The following ASH1L variants were observed in gnomAD, a reference collection of about 807,000 sequenced individuals.
ASH1L encodes the protein histone-lysine N-methyltransferase ASH1L.
ASH1L carries 23 observed loss-of-function variants against 269.0 expected under a neutral mutation model. That is an observed-to-expected ratio of 0.09 (90% CI 0.06 to 0.12). The LOEUF is 0.12. Among genes scored for constraint, ASH1L ranks in the 10% least tolerant of loss-of-function variants. The pLI, the probability that ASH1L is intolerant of heterozygous loss-of-function variation, is 1.00. For synonymous variants in ASH1L, 1,187 were observed against 1,253.5 expected (o/e 0.95, Z 1.12); for missense variants, 2,912 against 3,567.8 (o/e 0.82, Z 4.68).
At chr1:155,504,465 T>C (rs764207720) in intron 2 of ASH1L, among the ~76,000 whole-genome samples, 1 of 152,198 alleles carries the variant, frequency 6.6e-6, no homozygotes, top group Non-Finnish European at 1.5e-5. Flanking sequence ...CAATATTATA[T>C]AGCTTGACTT....
chr1:155,428,361 G>C (rs985772367), intron 5 of ASH1L, among the ~76,000 whole-genome samples: 1 of 151,746 alleles, frequency 6.6e-6, no homozygotes, highest in Non-Finnish European at 1.5e-5. Flanking sequence ...AGAATTGCTT[G>C]AACCCAGGAG....
At chr1:155,351,509 C>T (rs1463146450) in intron 17 of ASH1L, among the ~76,000 whole-genome samples, 1 of 151,438 alleles carries the variant, frequency 6.6e-6, no homozygotes, top group Non-Finnish European at 1.5e-5. Flanking sequence ...GCCAAGATTG[C>T]ACCACTGAAC....
chr1:155,421,221 T>C (rs999695593), intron 5 of ASH1L, among the ~76,000 whole-genome samples: 1 of 141,338 alleles, frequency 7.1e-6, no homozygotes, highest in African/African-American at 2.7e-5. Flanking sequence ...AGAGGAAGAT[T>C]CTGTGTCTTA....
rs201784092 is a variant in ASH1L at position 155,347,764 on chromosome 1, G to C, written c.7695C>G (p.Thr2565=). ...GCCCATTCTCCTTTTCAGAGACTGA[G>C]GTCTCACTGCTGTCTGCCTCACTTG... ...ETASEADSSE[T]SVSEKENGHE... is the part of the protein sequence containing the mutation. The change falls in exon 20 of 28, where the codon ACC becomes ACG. Residue 2565 remains threonine (T), a synonymous_variant. Coordinates refer to ENST00000392403, the MANE Select transcript of ASH1L (RefSeq NM_018489.3). The C allele has an allele frequency of 9.8e-4, 1,581 of 1,614,202 alleles. 21 individuals carry two copies. The South Asian group carries it at 0.016, about 17-fold the overall frequency.
rs760631401 is a variant in ASH1L, at chr1:155,433,927, C to T, written c.5828+4400G>A. On this transcript the variant is annotated intron_variant, in intron 5 of 27. Transcript: ENST00000392403. ...TGAGAGGCAACCTGGAGAATTTGTT[C>T]CTGCAGTGCCCGAAACCCACACTGC... The T allele has an allele frequency of 2.0e-5, 31 of 1,584,526 alleles. No homozygotes were observed. The South Asian group carries it at 2.9e-4, about 15-fold the overall frequency.
chr1:155,443,466 C>G (rs1451077660), intron 4 of ASH1L, among the ~76,000 whole-genome samples: 2 of 152,164 alleles, frequency 1.3e-5, no homozygotes, highest in Non-Finnish European at 2.9e-5. Flanking sequence ...ACATAAAATT[C>G]AATGCATGTT....
intron 3 of ASH1L, 37 bp downstream of exon 3, chr1:155,477,849 C>A: frequency 6.6e-7 from 1 of 1,523,952 alleles, no homozygotes; most frequent in Non-Finnish European, 8.8e-7. Context: ...TAACCTATTT[C>A]TTTAACAAAT....
rs1269442287 is a variant in ASH1L, at chr1:155,439,433, C to T, written c.5087-365G>A. On this transcript the variant is annotated intron_variant, in intron 4 of 27. Transcript: ENST00000392403. ...TGGATAAAGAGTGGGCACAGTGGCT[C>T]ATGTCTGTAATCCCAGTATTCTGGG... Among the ~76,000 whole-genome samples, 4 of 152,274 alleles carry T rather than the reference C, an allele frequency of 2.6e-5. No homozygotes were observed. In the East Asian group the frequency reaches 7.7e-4, roughly 29 times the overall value.
chr1:155,433,648 G>A (rs1030777059), intron 5 of ASH1L: 2 of 1,606,232 alleles, frequency 1.2e-6, no homozygotes, highest in African/African-American at 2.7e-5. Flanking sequence ...TGAAGCAGAA[G>A]AGGATCACCC....
At chr1:155,519,978 G>A (rs1171214066) in intron 2 of ASH1L, among the ~76,000 whole-genome samples, 1 of 152,142 alleles carries the variant, frequency 6.6e-6, no homozygotes, top group African/African-American at 2.4e-5. Flanking sequence ...GATATTACCA[G>A]TCGCTGCAGA....
At position 155,488,157 on chromosome 1, in the gene ASH1L, T is replaced by A. The variant is rs1666456771; in HGVS notation, c.421-5708A>T. 2.0e-5 allele frequency among the ~76,000 whole-genome samples: 3 copies of A among 152,144 alleles called. No individual in the cohort carries two copies. The South Asian group carries it at 6.2e-4, about 32-fold the overall frequency. On this transcript the variant is annotated intron_variant, in intron 2 of 27. Coordinates refer to ENST00000392403, the MANE Select transcript of ASH1L (RefSeq NM_018489.3). ...GCCTCAGCCTCCCAAAGTGCTGGGATTACAGGCATGAGCCATTGTGCCTGG... is the reference window on the plus strand; with the variant it reads ...GCCTCAGCCTCCCAAAGTGCTGGGAATACAGGCATGAGCCATTGTGCCTGG...
chr1:155,416,592 G>C (rs1405760814), intron 5 of ASH1L, among the ~76,000 whole-genome samples: 1 of 151,940 alleles, frequency 6.6e-6, no homozygotes, highest in Admixed American at 6.6e-5. Flanking sequence ...CTGGAGTGCA[G>C]TGGCATGATC....
rs761014350 is a variant in ASH1L, at chr1:155,354,643, A to G, written c.7056-13T>C. ...TAACACAAAGTTCCTGCAAGGAAGG[A>G]AAAAAAATCTTCCTTTATTCATTAA... On this transcript the variant is annotated splice_polypyrimidine_tract_variant and intron_variant, in intron 15 of 27. Coordinates refer to ENST00000392403, the MANE Select transcript of ASH1L (RefSeq NM_018489.3). 7 of 1,601,660 alleles carry G rather than the reference A, an allele frequency of 4.4e-6. No individual in the cohort carries two copies. The highest frequency in any genetic ancestry group is 6.0e-6 in the Non-Finnish European group (7 of 1,175,966).
chr1:155,472,153 T>C (rs1665152794), intron 3 of ASH1L, among the ~76,000 whole-genome samples: 1 of 152,140 alleles, frequency 6.6e-6, no homozygotes, highest in Non-Finnish European at 1.5e-5. Context: ...TAGCCAAATG[T>C]GGTGGTGCAC....
rs767437028 is a variant in ASH1L at position 155,343,341 on chromosome 1, C to T, written c.8266G>A (p.Val2756Met). The change falls in exon 24 of 28, where the codon GTG (valine) becomes ATG (methionine). Residue 2756 changes from valine to methionine, a missense_variant. Coordinates refer to ENST00000392403, the MANE Select transcript of ASH1L (RefSeq NM_018489.3). This position sits in a 1 kb window ranked among gnomAD's most constrained non-coding sequence, Gnocchi z 6.1. The stretch of plus-strand genomic sequence containing the variant: ...TTACAATACGTATAAAGGTCCAACA[C>T]ACAGCAGGTCCCCACTACAGCCTCC... ...PLEAVVGTCC[V>M]LDLYTYCKGR... 6.2e-7 allele frequency: 1 copy of T among 1,613,996 alleles called. No homozygotes were observed. Among genetic ancestry groups the T allele is most frequent in the South Asian group, 1.1e-5 (1 of 91,056 alleles).
chr1:155,402,480 TCTAGAG>T (rs1216189717), intron 6 of ASH1L, among the ~76,000 whole-genome samples: 3 of 152,232 alleles, frequency 2.0e-5, no homozygotes, highest in African/African-American at 7.2e-5. Flanking sequence ...GACATGTTAT[TCTAGAG>T]CTAATCTTTT....
rs758008273 is a variant in ASH1L, at chr1:155,354,577, C to T, written c.7109G>A (p.Arg2370His). Reference sequence around the variant, plus strand: ...GTGCTTTACTTCCTCCTGTTTTTGACGAATCTTCTCCCAGTTTCGGACCAA... The same window carrying T: ...GTGCTTTACTTCCTCCTGTTTTTGATGAATCTTCTCCCAGTTTCGGACCAA... ...VFLVRNWEKI[R>H]QKQEEVKHTS... The change falls in exon 16 of 28, where the codon CGT becomes CAT. Residue 2370 changes from arginine to histidine, a missense_variant. Transcript: ENST00000392403. 9.9e-5 allele frequency: 160 copies of T among 1,613,630 alleles called. No individual in the cohort carries two copies. The Admixed American group carries it at 2.4e-3, about 24-fold the overall frequency.
chr1:155,539,973 G>A (rs944640405), intron 1 of ASH1L, among the ~76,000 whole-genome samples: 2 of 152,086 alleles, frequency 1.3e-5, no homozygotes, highest in Non-Finnish European at 2.9e-5. Context: ...GGAAGCTGAG[G>A]TGGGAGGATT....
chr1:155,461,195 T>A (rs1446602574), intron 3 of ASH1L, among the ~76,000 whole-genome samples: 1 of 152,216 alleles, frequency 6.6e-6, no homozygotes, highest in Non-Finnish European at 1.5e-5. Context: ...CTAAGAAAAC[T>A]TAGGGTCAGA....
Sources: gnomAD v4.1 joint callset for allele counts (sites outside exome capture counted in the v4.1 genomes callset) on GRCh38, gnomAD v4.1.1 for gene constraint, Gnocchi (gnomAD v3.1) non-coding constraint, MANE v1.5 for transcripts, NCBI Gene and HGNC (gene_info 2026-07-23, HGNC 2026-07-21) for gene names.